TCF20: variants seen among roughly 807,000 people sequenced by gnomAD.
The protein encoded by TCF20 is transcription factor 20.
A neutral mutation model predicts 148.6 loss-of-function variants in TCF20; 3 were observed. That is an observed-to-expected ratio of 0.02 (90% CI 0.01 to 0.05). The LOEUF (loss-of-function observed/expected upper bound fraction) is 0.05. TCF20 is among the 10% of genes least tolerant of loss of function. TCF20 has a pLI of 1.00. For synonymous variants in TCF20, 1,049 were observed against 909.5 expected (o/e 1.15, Z -2.76); for missense variants, 2,350 against 2,429.3 (o/e 0.97, Z 0.69).
At chr22:42,263,616 T>C (rs1009982386) in intron 1 of TCF20, among the ~76,000 whole-genome samples, 5 of 152,216 alleles carry the variant, frequency 3.3e-5, no homozygotes, top group African/African-American at 1.2e-4. Context: ...CCATGTCACC[T>C]ATTTTGGACC....
intron 1 of TCF20, among the ~76,000 whole-genome samples, chr22:42,218,085 T>G (rs1421963814): frequency 6.6e-6 from 1 of 152,208 alleles, no homozygotes; most frequent in Non-Finnish European, 1.5e-5. Flanking sequence ...ATTCAAATGG[T>G]GATGATGCTG....
chr22:42,224,685 A>C (rs1429808094), intron 1 of TCF20, among the ~76,000 whole-genome samples: 2 of 152,122 alleles, frequency 1.3e-5, no homozygotes, highest in African/African-American at 4.8e-5. Context: ...ACTGGCAACA[A>C]CCTATTTGAA....
intron 2 of TCF20, among the ~76,000 whole-genome samples, chr22:42,187,551 A>T (rs1226109335): frequency 6.6e-6 from 1 of 152,190 alleles, no homozygotes; most frequent in Non-Finnish European, 1.5e-5. Flanking sequence ...AAATCTCTTG[A>T]GTGTGGCCGT....
At chr22:42,294,143 G>A (rs1007056090) in intron 1 of TCF20, among the ~76,000 whole-genome samples, 4 of 151,998 alleles carry the variant, frequency 2.6e-5, no homozygotes, top group African/African-American at 9.7e-5. Flanking sequence ...CCTCACAGTG[G>A]GGAATCCTCC....
rs112281732 is a variant in TCF20 at position 42,255,422 on chromosome 22, G to C, written c.-37+14917C>G. The stretch of plus-strand genomic sequence containing the variant: ...GGGCATCACTTGAACCCGGGAGGAG[G>C]AGACTGCCATGAGCTGAGATCGCGC... On this transcript the variant is annotated intron_variant, in intron 1 of 5. Transcript: ENST00000677622. 2.3e-3 allele frequency among the ~76,000 whole-genome samples: 353 copies of C among 152,024 alleles called. 2 individuals are homozygous for C. The highest frequency in any genetic ancestry group is 0.018 in the South Asian group (88 of 4,806).
At chr22:42,208,874 A>G (rs1226835274) in intron 2 of TCF20, among the ~76,000 whole-genome samples, 1 of 152,220 alleles carries the variant, frequency 6.6e-6, no homozygotes. Flanking sequence ...GATCTCATAG[A>G]GTAGCCAACA....
rs750796754 is a variant in TCF20, at chr22:42,211,385, A to G, written c.3921T>C (p.Asp1307=). 6.2e-7 allele frequency: 1 copy of G among 1,614,070 alleles called. No homozygotes were observed. The highest frequency in any genetic ancestry group is 8.5e-7 in the Non-Finnish European group (1 of 1,180,042). The change falls in exon 2 of 6, where the codon GAT becomes GAC. Residue 1307 remains aspartate, a synonymous_variant. Transcript: ENST00000677622. ...NSYAHLSHSQ[D]IKSIPKRDSS... ...AATCTCTCTTAGGGATAGACTTGAT[A>G]TCCTGACTGTGAGAAAGATGGGCAT...
intron 1 of TCF20, among the ~76,000 whole-genome samples, chr22:42,250,673 A>C (rs1925291376): frequency 6.6e-6 from 1 of 152,230 alleles, no homozygotes; most frequent in Non-Finnish European, 1.5e-5. Flanking sequence ...TACGGTTAGT[A>C]TACTGAGTGA....
At position 42,214,355 on chromosome 22, in the gene TCF20, TTGCTGCTGC is replaced by T; in HGVS notation, c.942_950del (p.Gln315_Gln317del). 3 of 1,614,222 alleles carry T rather than the reference TTGCTGCTGC, an allele frequency of 1.9e-6. No homozygotes were observed. The highest frequency in any genetic ancestry group is 2.5e-6 in the Non-Finnish European group (3 of 1,180,028). ...GAGAAGGGTGTTGTTGTTGCTGCGG[TTGCTGCTGC>T]TGCTGCCCCTGTTGGGTCCCTTGTG... is the stretch of plus-strand genomic sequence containing the variant. On this transcript the variant is annotated inframe_deletion, in exon 2 of 6. Coordinates refer to ENST00000677622, the MANE Select transcript of TCF20 (RefSeq NM_001378418.1).
intron 1 of TCF20, among the ~76,000 whole-genome samples, chr22:42,329,912 T>C (rs1927942472): frequency 6.6e-6 from 1 of 151,966 alleles, no homozygotes; most frequent in South Asian, 2.1e-4. Context: ...GAGTATGAAC[T>C]CACCAGGGGC....
At chr22:42,167,525 G>A (rs1935862115) in intron 5 of TCF20, among the ~76,000 whole-genome samples, 1 of 152,054 alleles carries the variant, frequency 6.6e-6, no homozygotes. Flanking sequence ...GTACATTTTG[G>A]TTTTTCTTTT....
In TCF20 at chr22:42,309,768, A is replaced by G. The variant is rs78135140; in HGVS notation, c.-37+33711T>C. ...TGTCTGGCTTTTCATGTCAGCTGCC[A>G]GTCGTCACCTCTCTGAGCCTTGCTG... On this transcript the variant is annotated intron_variant, in intron 1 of 1. Coordinates refer to the TCF20 transcript ENST00000515426. Among the ~76,000 whole-genome samples the G allele has an allele frequency of 4.6e-3, 701 of 152,372 alleles. 10 individuals are homozygous for G. Among genetic ancestry groups the G allele is most frequent in the African/African-American group, 0.016 (662 of 41,586 alleles).
At chr22:42,242,227 A>ACAAAAAAAAAAAAAAAAAAAAAAAAT (rs1924500371) in intron 1 of TCF20, among the ~76,000 whole-genome samples, 1 of 122,700 alleles carries the variant, frequency 8.1e-6, no homozygotes, top group Non-Finnish European at 1.7e-5. Context: ...AAAAAAAAAA[A>ACAAAAAAAAAAAAAAAAAAAAAAAAT]CAGAAAAGAA....
At position 42,206,054 on chromosome 22, in the gene TCF20, G is replaced by A. The variant is rs546037961; in HGVS notation, c.5655+3597C>T. Among the ~76,000 whole-genome samples, 4 of 152,266 alleles carry A rather than the reference G, an allele frequency of 2.6e-5. No individual in the cohort carries two copies. In the South Asian group the frequency reaches 6.2e-4, roughly 24 times the overall value. Reference sequence around the variant, plus strand: ...CTCCCAAAGTGCTGGGACTACAGGCGTGAGCCATCATGCTCGGCCCAAGAC... The same window carrying A: ...CTCCCAAAGTGCTGGGACTACAGGCATGAGCCATCATGCTCGGCCCAAGAC... On this transcript the variant is annotated intron_variant, in intron 2 of 5. Coordinates refer to ENST00000677622, the MANE Select transcript of TCF20 (RefSeq NM_001378418.1).
intron 3 of TCF20, among the ~76,000 whole-genome samples, chr22:42,178,331 C>A (rs1312741914): frequency 6.6e-6 from 1 of 152,116 alleles, no homozygotes; most frequent in Non-Finnish European, 1.5e-5. Context: ...GTTGATCACT[C>A]AGAAACACAG....
intron 1 of TCF20, among the ~76,000 whole-genome samples, chr22:42,261,132 A>G (rs1433727579): frequency 6.6e-6 from 1 of 152,176 alleles, no homozygotes; most frequent in African/African-American, 2.4e-5. Context: ...TTGGTTTTTC[A>G]CTGAGCATAT....
intron 2 of TCF20, among the ~76,000 whole-genome samples, chr22:42,190,953 T>G (rs1937302306): frequency 6.6e-6 from 1 of 152,228 alleles, no homozygotes; most frequent in Non-Finnish European, 1.5e-5. Flanking sequence ...TAATGTTCTG[T>G]AACACTGTAA....
intron 1 of TCF20, among the ~76,000 whole-genome samples, chr22:42,249,557 T>C (rs1309140369): frequency 6.6e-6 from 1 of 152,246 alleles, no homozygotes; most frequent in Non-Finnish European, 1.5e-5. Flanking sequence ...GTTTAAAAGC[T>C]AATTATCACT....
At chr22:42,268,129 GAAC>G (rs1926392210) in intron 1 of TCF20, among the ~76,000 whole-genome samples, 1 of 151,958 alleles carries the variant, frequency 6.6e-6, no homozygotes, top group Non-Finnish European at 1.5e-5. Context: ...CTGGACAACA[GAAC>G]AACACTGTGT....
Sources: gnomAD v4.1 joint callset for allele counts (sites outside exome capture counted in the v4.1 genomes callset) on GRCh38, gnomAD v4.1.1 for gene constraint, MANE v1.5 for transcripts, NCBI Gene and HGNC (gene_info 2026-07-23, HGNC 2026-07-21) for gene names.